The following SDC4 variants were observed in gnomAD, a reference collection of about 807,000 sequenced individuals.
SDC4 encodes syndecan 4, also known as syndecan-4.
In SDC4, 17 loss-of-function variants were observed where a neutral mutation model predicts 20.5. The observed-to-expected ratio is 0.83, with a 90% confidence interval of 0.57 to 1.25. The LOEUF is 1.25. SDC4 is among the 50% of genes most tolerant of loss of function. SDC4 has a pLI of 0.00. For synonymous variants in SDC4, 107 were observed against 105.3 expected (o/e 1.02, Z -0.10); for missense variants, 241 against 252.3 (o/e 0.96, Z 0.30).
intron 1 of SDC4, among the ~76,000 whole-genome samples, chr20:45,340,370 T>C (rs1172910745): frequency 2.6e-5 from 4 of 152,166 alleles, no homozygotes; most frequent in Non-Finnish European, 4.4e-5. Context: ...GAGTCACTTA[T>C]CCAACGTCAT....
At chr20:45,332,681 G>T (rs1987796595) in intron 3 of SDC4, among the ~76,000 whole-genome samples, 1 of 152,018 alleles carries the variant, frequency 6.6e-6, no homozygotes, top group African/African-American at 2.4e-5. Context: ...TGCAACCTCT[G>T]CCTCCTGGAC....
chr20:45,336,093 G>C (rs1202696062), intron 1 of SDC4, among the ~76,000 whole-genome samples, 173 bp from the exon 2 acceptor site: 1 of 152,154 alleles, frequency 6.6e-6, no homozygotes, highest in Admixed American at 6.5e-5. Context: ...CCTTAGGCAA[G>C]TCTCTTTCCA....
At position 45,327,359 on chromosome 20, in the gene SDC4, G is replaced by A. The variant is rs1478157775; in HGVS notation, c.502C>T (p.Leu168Phe). 6.2e-7 allele frequency: 1 copy of A among 1,614,184 alleles called. No individual in the cohort carries two copies. The change falls in exon 5 of 5, where the codon CTC becomes TTC. Residue 168 changes from leucine to phenylalanine, a missense_variant. By Grantham distance (22) the Leu-to-Phe change is conservative. Coordinates refer to ENST00000372733, the MANE Select transcript of SDC4 (RefSeq NM_002999.4). The stretch of plus-strand genomic sequence containing the variant: ...TCCTTCTTCTTCATACGGTACATGA[G>A]CAGTAGGATCAGGAAGACGGCAAAG... ...ILFAVFLILL[L>F]MYRMKKKDEG...
chr20:45,332,867 A>G (rs1171210396), intron 3 of SDC4, among the ~76,000 whole-genome samples, 156 bp downstream of exon 3: 2 of 152,198 alleles, frequency 1.3e-5, no homozygotes, highest in Non-Finnish European at 2.9e-5. Flanking sequence ...CTGAGCCACC[A>G]TGCCCACCCC....
chr20:45,333,114 G>C (rs1159429291), intron 2 of SDC4, 45 bp from the exon 3 acceptor site: 1 of 1,579,150 alleles, frequency 6.3e-7, no homozygotes, highest in Non-Finnish European at 8.7e-7. Flanking sequence ...ATTACCCCAG[G>C]AAAATGACCC....
At chr20:45,331,806 C>G (rs1987782445) in intron 3 of SDC4, among the ~76,000 whole-genome samples, 1 of 152,130 alleles carries the variant, frequency 6.6e-6, no homozygotes, top group Non-Finnish European at 1.5e-5. Context: ...ATTGCCCACC[C>G]CTTTGTTGGA....
At chr20:45,330,085 T>C (rs1600728624) in intron 4 of SDC4, among the ~76,000 whole-genome samples, 1 of 152,184 alleles carries the variant, frequency 6.6e-6, no homozygotes, top group East Asian at 1.9e-4. Flanking sequence ...TGAAAGTCCT[T>C]TGCAAAATAA....
intron 4 of SDC4, among the ~76,000 whole-genome samples, chr20:45,328,339 T>C (rs921544495): frequency 1.3e-5 from 2 of 152,234 alleles, no homozygotes; most frequent in Non-Finnish European, 1.5e-5. Flanking sequence ...GGAAGAGCCA[T>C]ACCTTTCTCA....
chr20:45,326,180 A>C lies in SDC4; in HGVS notation c.*1084T>G, dbSNP rs1021247102. 1 of 147,064 alleles carries C rather than the reference A, an allele frequency of 6.8e-6. No homozygotes were observed. Among genetic ancestry groups the C allele is most frequent in the Non-Finnish European group, 1.5e-5 (1 of 65,308 alleles). 9.1% of individuals were successfully genotyped at this position (147,064 alleles called of 1,614,324 possible). On this transcript the variant is annotated 3_prime_UTR_variant, in exon 5 of 5. Coordinates refer to ENST00000372733, the MANE Select transcript of SDC4 (RefSeq NM_002999.4). ...AGAACACAGACACAAATATCCCACC[A>C]TCCCCTTCATTATATTTTGGGATCT...
At position 45,326,383 on chromosome 20, in the gene SDC4, T is replaced by TAAAAAAAAAAAAAAA. The variant is rs35186241; in HGVS notation, c.*866_*880dup. 8.2e-5 allele frequency: 8 copies of TAAAAAAAAAAAAAAA among 97,690 alleles called. No individual in the cohort carries two copies. The highest frequency in any genetic ancestry group is 8.2e-5 in the Non-Finnish European group (4 of 49,024). The allele number at this position is 97,690 out of a possible 1,614,324, so 6.1% of individuals were successfully genotyped here. On this transcript the variant is annotated 3_prime_UTR_variant, in exon 5 of 5. Coordinates refer to ENST00000372733, the MANE Select transcript of SDC4 (RefSeq NM_002999.4). The stretch of plus-strand genomic sequence containing the variant: ...AGGCCCTATCTAAAGCTATAAATAG[T>TAAAAAAAAAAAAAAA]AAAAAAAAAAAAAAAAAAAAAAAAT...
At chr20:45,343,331 A>G (rs1400916313) in intron 1 of SDC4, among the ~76,000 whole-genome samples, 1 of 152,090 alleles carries the variant, frequency 6.6e-6, no homozygotes, top group Admixed American at 6.6e-5. Flanking sequence ...CTGTCCACCA[A>G]CACCCCACCC....
chr20:45,343,259 C>G (rs1452344194), intron 1 of SDC4, among the ~76,000 whole-genome samples: 3 of 152,200 alleles, frequency 2.0e-5, no homozygotes, highest in African/African-American at 4.8e-5. Flanking sequence ...TCTCCTCCCT[C>G]TCTAGGGCAC....
chr20:45,328,364 G>T (rs1409264876), intron 4 of SDC4, among the ~76,000 whole-genome samples: 1 of 152,084 alleles, frequency 6.6e-6, no homozygotes, highest in East Asian at 1.9e-4. Context: ...TTTGTCCTAA[G>T]GATTAAATAA....
intron 2 of SDC4, among the ~76,000 whole-genome samples, chr20:45,333,842 T>G (rs1987818760): frequency 6.6e-6 from 1 of 152,188 alleles, no homozygotes. Context: ...AGTCTCTTAC[T>G]GTTGAATGTT....
chr20:45,325,369 G>A lies in SDC4; in HGVS notation c.*1895C>T, dbSNP rs1319471602. 1 of 152,726 alleles carries A rather than the reference G, an allele frequency of 6.5e-6. No individual in the cohort carries two copies. The highest frequency in any genetic ancestry group is 1.5e-5 in the Non-Finnish European group (1 of 68,090). The allele number at this position is 152,726 out of a possible 1,614,324, so 9.5% of individuals were successfully genotyped here. On this transcript the variant is annotated 3_prime_UTR_variant, in exon 5 of 5. Coordinates refer to ENST00000372733, the MANE Select transcript of SDC4 (RefSeq NM_002999.4). ...CAGTGTGAGAGGTGCCTACAGAGGA[G>A]GTGCTCACTCCAACACAGCCCAAGG...
Position 45,330,504 on chromosome 20 carries a change from G to A in SDC4, c.307C>T (p.Pro103Ser). 8 of 1,614,128 alleles carry A rather than the reference G, an allele frequency of 5.0e-6. No individual in the cohort carries two copies. Among genetic ancestry groups the A allele is most frequent in the Non-Finnish European group, 6.8e-6 (8 of 1,180,026 alleles). ...AGSGSQVPTE[P>S]KKLEENEVIP... Reference sequence around the variant, plus strand: ...ACCTCATTCTCCTCTAGTTTCTTGGGTTCGGTGGGGACTTGGCTCCCAGAC... The same window carrying A: ...ACCTCATTCTCCTCTAGTTTCTTGGATTCGGTGGGGACTTGGCTCCCAGAC... Residue 103 changes from proline (P) to serine (S), a missense_variant, in exon 4 of 5, where the codon CCC (proline) becomes TCC (serine). Physicochemically the swap from Pro to Ser is moderately conservative, Grantham distance 74. Transcript: ENST00000372733.
At chr20:45,331,837 C>T (rs537597017) in intron 3 of SDC4, among the ~76,000 whole-genome samples, 1 of 152,142 alleles carries the variant, frequency 6.6e-6, no homozygotes, top group Non-Finnish European at 1.5e-5. Flanking sequence ...ATAATCTACC[C>T]CTTGCTTAAC....
rs1434508970 is a variant in SDC4, at chr20:45,325,873, T to TGTGTGTGTG, written c.*1390_*1391insCACACACAC. ...TAAACAGCCGCATGTGGTTACTGTATTGGATAGCACAGCCCTAGAGCCTGA... is the reference window on the plus strand; with the variant it reads ...TAAACAGCCGCATGTGGTTACTGTATGTGTGTGTGTGGATAGCACAGCCCTAGAGCCTGA... On this transcript the variant is annotated 3_prime_UTR_variant, in exon 5 of 5. Coordinates refer to ENST00000372733, the MANE Select transcript of SDC4 (RefSeq NM_002999.4). 1 of 152,574 alleles carries TGTGTGTGTG rather than the reference T, an allele frequency of 6.6e-6. No homozygotes were observed. Among genetic ancestry groups the TGTGTGTGTG allele is most frequent in the Non-Finnish European group, 1.5e-5 (1 of 68,044 alleles). The allele number at this position is 152,574 out of a possible 1,614,324, so 9.5% of individuals were successfully genotyped here.
chr20:45,329,973 T>TAA (rs148225022), intron 4 of SDC4, among the ~76,000 whole-genome samples: 2,101 of 152,212 alleles, frequency 0.014, 59 homozygotes, highest in African/African-American at 0.048. Flanking sequence ...TGCCAAGTGA[T>TAA]AGAGTAGGGG....
Sources: allele counts gnomAD v4.1 joint callset (sites outside exome capture counted in the v4.1 genomes callset), GRCh38; gene constraint gnomAD v4.1.1; transcripts MANE v1.5; gene names NCBI Gene and HGNC (gene_info 2026-07-23, HGNC 2026-07-21).